The following SPATA6 variants were observed in gnomAD, a reference collection of about 807,000 sequenced individuals.
SPATA6 encodes the protein spermatogenesis associated 6.
Under a neutral mutation model 65.3 loss-of-function variants are expected in SPATA6, and 56 were observed. The observed-to-expected ratio is 0.86, with a 90% CI of 0.69 to 1.07. The LOEUF is 1.07. Ranked by LOEUF, SPATA6 falls within the 50% of genes least tolerant of loss-of-function variation. The pLI is 0.00. For synonymous variants in SPATA6, 199 were observed against 213.2 expected (o/e 0.93, Z 0.58); for missense variants, 590 against 594.8 (o/e 0.99, Z 0.08).
At chr1:48,289,563 G>C in the SPATA6 span, among the ~76,000 whole-genome samples, 5 of 152,162 alleles carry the variant, frequency 3.3e-5, no homozygotes, top group African/African-American at 1.2e-4. Flanking sequence ...AGCTAAAGGA[G>C]GACGTTCAAA....
At chr1:48,413,713 T>C (rs556256187) in intron 3 of SPATA6, among the ~76,000 whole-genome samples, 1 of 152,236 alleles carries the variant, frequency 6.6e-6, no homozygotes, top group South Asian at 2.1e-4. Flanking sequence ...CCAACACCTG[T>C]GCCATCAAAA....
chr1:48,346,214 G>GAACT (rs202145962), intron 11 of SPATA6, among the ~76,000 whole-genome samples: 3,751 of 151,814 alleles, frequency 0.025, 99 homozygotes, highest in African/African-American at 0.067. Flanking sequence ...CACATAAACA[G>GAACT]AAAGACAAAA....
chr1:48,301,637 C>T (rs552649260), intron 12 of SPATA6, among the ~76,000 whole-genome samples: 10 of 151,448 alleles, frequency 6.6e-5, no homozygotes, highest in South Asian at 2.1e-4. Flanking sequence ...TAAACTGTGA[C>T]GTTATAGTAA....
At chr1:48,446,186 T>G (rs1172959286) in intron 3 of SPATA6, among the ~76,000 whole-genome samples, 2 of 152,280 alleles carry the variant, frequency 1.3e-5, no homozygotes, top group African/African-American at 4.8e-5. Context: ...TAAGCCCTCT[T>G]CCCCAGTGTT....
intron 11 of SPATA6, among the ~76,000 whole-genome samples, chr1:48,312,428 G>A (rs912375035): frequency 6.6e-6 from 1 of 152,112 alleles, no homozygotes; most frequent in African/African-American, 2.4e-5. Context: ...CTGATACCCA[G>A]GCAAATAGGG....
intron 6 of SPATA6, chr1:48,400,693 T>A: frequency 9.9e-7 from 1 of 1,014,482 alleles, no homozygotes; most frequent in Non-Finnish European, 1.3e-6. Flanking sequence ...TTTAAGTGGA[T>A]ACACAGAAAA....
intron 11 of SPATA6, among the ~76,000 whole-genome samples, chr1:48,342,639 T>C (rs1330467665): frequency 6.8e-6 from 1 of 147,420 alleles, no homozygotes; most frequent in East Asian, 2.0e-4. Flanking sequence ...AAAGAATAAA[T>C]ATGACTCAAT....
intron 7 of SPATA6, chr1:48,399,075 G>A (rs909009574): frequency 1.6e-5 from 5 of 304,854 alleles, no homozygotes; most frequent in South Asian, 1.1e-4. Context: ...AATTGGTAGC[G>A]TTATTATGCT....
At chr1:48,374,074 G>A (rs555927829) in intron 9 of SPATA6, among the ~76,000 whole-genome samples, 42 of 152,308 alleles carry the variant, frequency 2.8e-4, no homozygotes, top group African/African-American at 1.0e-3. Flanking sequence ...GGGAAAGTGT[G>A]TGTATAGCCG....
At chr1:48,429,402 C>T (rs111414983) in intron 3 of SPATA6, among the ~76,000 whole-genome samples, 10 of 152,180 alleles carry the variant, frequency 6.6e-5, no homozygotes, top group African/African-American at 2.4e-4. Context: ...TCCGAAAATA[C>T]TTAAGGAGAC....
intron 9 of SPATA6, among the ~76,000 whole-genome samples, chr1:48,363,176 C>T (rs556549196): frequency 2.6e-5 from 4 of 151,982 alleles, no homozygotes; most frequent in East Asian, 3.8e-4. Flanking sequence ...TAAGGGGTTA[C>T]GAGGTAAAAC....
In SPATA6 at chr1:48,298,619, T is replaced by C. The variant is rs958166261; in HGVS notation, c.*94A>G. The C allele has an allele frequency of 2.5e-6, 3 of 1,212,344 alleles. No individual in the cohort carries two copies. The highest frequency in any genetic ancestry group is 3.4e-6 in the Non-Finnish European group (3 of 878,202). The allele number at this position is 1,212,344 out of a possible 1,614,324, so 75.1% of individuals were successfully genotyped here. A position where few individuals can be genotyped will look rare whatever the true frequency, so the allele number is the denominator to read the frequency against. On this transcript the variant is annotated 3_prime_UTR_variant, in exon 13 of 13. Transcript: ENST00000371847. Reference sequence around the variant, plus strand: ...ACTATTGTACTTAGTTATAATCCCATTTTTTTTAAAAAAAGGAATACAGAT... The same window carrying C: ...ACTATTGTACTTAGTTATAATCCCACTTTTTTTAAAAAAAGGAATACAGAT...
intron 11 of SPATA6, 56 bp from the exon 12 acceptor site, chr1:48,305,934 G>A: frequency 2.3e-6 from 3 of 1,324,504 alleles, no homozygotes; most frequent in Non-Finnish European, 3.2e-6. Context: ...CCAAAATGAT[G>A]CATATGTTTC....
Position 48,299,516 on chromosome 1 carries a change from G to GGAAAAAAAAAAAA in SPATA6, c.1287-624_1287-623insTTTTTTTTTTTTC, listed in dbSNP as rs761355984. Among the ~76,000 whole-genome samples the GGAAAAAAAAAAAA allele has an allele frequency of 1.5e-3, 57 of 38,202 alleles. 1 individual carries two copies. The highest frequency in any genetic ancestry group is 2.3e-3 in the Non-Finnish European group (49 of 21,050). 25.1% of individuals were successfully genotyped at this position (38,202 alleles called of 152,430 possible). A position where few individuals can be genotyped will look rare whatever the true frequency, so the allele number is the denominator to read the frequency against. On this transcript the variant is annotated intron_variant, in intron 12 of 12. Coordinates refer to ENST00000371847, the MANE Select transcript of SPATA6 (RefSeq NM_019073.4). The stretch of plus-strand genomic sequence containing the variant: ...ACAACAAGAGCAAAACTCCGTCTCG[G>GGAAAAAAAAAAAA]AAAAAAAAAAAAAAAAAAAAAGAAT...
At chr1:48,291,111 A>G (rs1644764285), downstream of SPATA6, among the ~76,000 whole-genome samples, 1 of 152,228 alleles carries the variant, frequency 6.6e-6, no homozygotes, top group African/African-American at 2.4e-5. Context: ...AGCACTCCTC[A>G]GCAAATGTTA....
At chr1:48,275,893 G>T in the SPATA6 span, among the ~76,000 whole-genome samples, 2 of 152,186 alleles carry the variant, frequency 1.3e-5, no homozygotes, top group African/African-American at 4.8e-5. Context: ...GTTTGGAATC[G>T]TTTCAGAGGT....
the SPATA6 span, among the ~76,000 whole-genome samples, chr1:48,275,976 TA>T: frequency 1.3e-5 from 2 of 152,078 alleles, no homozygotes; most frequent in African/African-American, 4.8e-5. Flanking sequence ...GCTTTTTTTT[TA>T]TTGGTAGGCT....
intron 11 of SPATA6, among the ~76,000 whole-genome samples, chr1:48,307,399 T>A (rs1645088055): frequency 1.3e-5 from 2 of 148,546 alleles, no homozygotes; most frequent in Admixed American, 6.7e-5. Context: ...TACATTTATA[T>A]TCATATATAT....
intron 8 of SPATA6, among the ~76,000 whole-genome samples, chr1:48,388,182 A>G (rs1649684139): frequency 6.6e-6 from 1 of 152,150 alleles, no homozygotes; most frequent in South Asian, 2.1e-4. Context: ...AGCCTCCACT[A>G]GTAATTGCAC....
Sources: gnomAD v4.1 joint callset for allele counts (sites outside exome capture counted in the v4.1 genomes callset) on GRCh38, gnomAD v4.1.1 for gene constraint, MANE v1.5 for transcripts, NCBI Gene and HGNC (gene_info 2026-07-23, HGNC 2026-07-21) for gene names.